Variants in RFX4 observed in about 807,000 individuals in gnomAD.
The protein encoded by RFX4 is transcription factor RFX4.
A neutral mutation model predicts 95.0 loss-of-function variants in RFX4; 10 were observed. The observed-to-expected ratio is 0.11, with a 90% CI of 0.06 to 0.18. The LOEUF (loss-of-function observed/expected upper bound fraction) is 0.18, where lower values mean the gene tolerates loss of function less well. Among genes scored for constraint, RFX4 ranks in the 10% least tolerant of loss-of-function variants. The pLI, the probability that RFX4 is intolerant of heterozygous loss-of-function variation, is 1.00. For synonymous variants in RFX4, 321 were observed against 340.7 expected (o/e 0.94, Z 0.64); for missense variants, 640 against 922.0 (o/e 0.69, Z 3.96).
Position 106,749,242 on chromosome 12 carries a change from C to T in RFX4, c.1797-1413C>T, listed in dbSNP as rs371549243. ...CTGCATTCCAGCCTGGAGAATAGAGCGATATACTCCAACTCAAAAAAAAAA... is the reference window on the plus strand; with the variant it reads ...CTGCATTCCAGCCTGGAGAATAGAGTGATATACTCCAACTCAAAAAAAAAA... On this transcript the variant is annotated intron_variant, in intron 16 of 17. Transcript: ENST00000392842. Among the ~76,000 whole-genome samples the T allele has an allele frequency of 3.6e-4, 50 of 139,510 alleles. No individual in the cohort carries two copies. In the South Asian group the frequency reaches 8.5e-3, roughly 24 times the overall value. The allele number at this position is 139,510 out of a possible 152,430, so 91.5% of individuals were successfully genotyped here. A position where few individuals can be genotyped will look rare whatever the true frequency, so the allele number is the denominator to read the frequency against.
At chr12:106,639,636 A>G (rs1468958488) in intron 3 of RFX4, among the ~76,000 whole-genome samples, 1 of 152,230 alleles carries the variant, frequency 6.6e-6, no homozygotes, top group Non-Finnish European at 1.5e-5. Flanking sequence ...ACTGGCAAGG[A>G]CTGGATTCCC....
Position 106,720,205 on chromosome 12 carries a change from T to A in RFX4, c.1233+151T>A, listed in dbSNP as rs375217574. On this transcript the variant is annotated intron_variant, in intron 12 of 17. Transcript: ENST00000392842. The surrounding 1 kb of genome is among the most constrained non-coding windows in gnomAD (Gnocchi z 4.2). ...AGGTGGAGGGGTCAGGAGGCAGGAC[T>A]CTTGAGTCTTCCATCCCTGATTCAA... The A allele has an allele frequency of 6.2e-6, 4 of 644,420 alleles. No homozygotes were observed. Among genetic ancestry groups the A allele is most frequent in the East Asian group, 5.4e-5 (2 of 37,274 alleles). 39.9% of individuals were successfully genotyped at this position (644,420 alleles called of 1,614,324 possible). A position where few individuals can be genotyped will look rare whatever the true frequency, so the allele number is the denominator to read the frequency against.
chr12:106,624,160 C>G (rs548364277), intron 2 of RFX4, among the ~76,000 whole-genome samples: 2 of 152,200 alleles, frequency 1.3e-5, no homozygotes, highest in African/African-American at 4.8e-5. Context: ...ACTTATTTTA[C>G]GTTGGTTTTG....
chr12:106,681,971 T>A, intron 4 of RFX4, 22 bp from the exon 5 acceptor site: 1 of 1,614,022 alleles, frequency 6.2e-7, no homozygotes, highest in Non-Finnish European at 8.5e-7. Context: ...AATGGGTAAC[T>A]GATTCTTGTG....
Position 106,719,991 on chromosome 12 carries a change from G to C in RFX4, c.1170G>C (p.Glu390Asp), listed in dbSNP as rs17038732. ...LYQEFDHLLE[E>D]QSPIESYIEW... ...AGGAGTTTGACCATCTCTTGGAGGA[G>C]CAGTCTCCCATCGAGTCCTACATTG... is the stretch of plus-strand genomic sequence containing the variant. Residue 390 changes from glutamate (E) to aspartate (D), a missense_variant, in exon 12 of 18, where the codon GAG becomes GAC. Glu to Asp is a conservative substitution (Grantham distance 45, BLOSUM62 2). This residue lies in a region of RFX4 where 72 missense variants were observed against 80.5 expected (regional missense o/e 0.89). Transcript: ENST00000392842. 1 of 1,613,840 alleles carries C rather than the reference G, an allele frequency of 6.2e-7. No homozygotes were observed. Among genetic ancestry groups the C allele is most frequent in the Non-Finnish European group, 8.5e-7 (1 of 1,179,884 alleles).
chr12:106,642,184 A>G (rs1355963756), intron 3 of RFX4, among the ~76,000 whole-genome samples: 1 of 151,680 alleles, frequency 6.6e-6, no homozygotes, highest in Non-Finnish European at 1.5e-5. Context: ...CTAATATTTT[A>G]TTTTTAGTAG....
chr12:106,709,239 A>T (rs996681833), intron 8 of RFX4, 91 bp from the exon 9 acceptor site: 1 of 1,006,320 alleles, frequency 9.9e-7, no homozygotes, highest in Non-Finnish European at 1.5e-6. Flanking sequence ...AGCAGCCAAA[A>T]CATGATTAGG....
At chr12:106,594,719 G>A (rs2039592708) in intron 1 of RFX4, among the ~76,000 whole-genome samples, 1 of 151,426 alleles carries the variant, frequency 6.6e-6, no homozygotes, top group African/African-American at 2.4e-5. Flanking sequence ...AGTGCACAGG[G>A]ATCCAAGCCA....
chr12:106,717,879 C>T (rs1458381449), intron 11 of RFX4, among the ~76,000 whole-genome samples: 1 of 152,164 alleles, frequency 6.6e-6, no homozygotes, highest in Non-Finnish European at 1.5e-5. Context: ...GGGAGTTGGA[C>T]CAAAGGTCAG....
At chr12:106,653,742 T>C (rs1335957729) in intron 3 of RFX4, among the ~76,000 whole-genome samples, 4 of 152,212 alleles carry the variant, frequency 2.6e-5, no homozygotes, top group Non-Finnish European at 5.9e-5. Context: ...AGGCCTCTCC[T>C]GGGGCATTGG....
chr12:106,601,262 A>T (rs1565945418), intron 1 of RFX4: 11 of 1,581,998 alleles, frequency 7.0e-6, no homozygotes, highest in Non-Finnish European at 8.6e-6. Flanking sequence ...AGAGACAGAA[A>T]GGGGCTGAGA....
At position 106,624,022 on chromosome 12, in the gene RFX4, C is replaced by T. The variant is rs967109373; in HGVS notation, c.130+15139C>T. ...CCTCATAATCACAAGGCAGCTGCTG[C>T]AGGTCCAGGCATCAGGTCCACATTT... On this transcript the variant is annotated intron_variant, in intron 2 of 17. Coordinates refer to ENST00000392842, the MANE Select transcript of RFX4 (RefSeq NM_213594.3). Among the ~76,000 whole-genome samples, 26 of 152,324 alleles carry T rather than the reference C, an allele frequency of 1.7e-4. 1 individual carries two copies. Among genetic ancestry groups the T allele is most frequent in the African/African-American group, 5.8e-4 (24 of 41,568 alleles).
Position 106,756,373 on chromosome 12 carries a change from G to A in RFX4, c.1936-4824G>A, listed in dbSNP as rs17038764. Among the ~76,000 whole-genome samples the A allele has an allele frequency of 7.3e-3, 1,108 of 152,272 alleles. 14 individuals carry two copies. The highest frequency in any genetic ancestry group is 0.026 in the African/African-American group (1,068 of 41,550). ...GGAACTGGGGACCTTGAGCTCAAAA[G>A]CCATTTGATCACACTTAGACTGGAA... On this transcript the variant is annotated intron_variant, in intron 17 of 17. Transcript: ENST00000392842.
intron 15 of RFX4, among the ~76,000 whole-genome samples, chr12:106,746,044 T>C (rs1031574071): frequency 2.6e-5 from 4 of 151,848 alleles, no homozygotes; most frequent in African/African-American, 7.3e-5. Flanking sequence ...CTGGGGAACA[T>C]AGTGAGACCC....
At chr12:106,639,474 T>A in intron 3 of RFX4, 82 bp downstream of exon 3, 2 of 1,267,148 alleles carry the variant, frequency 1.6e-6, no homozygotes, top group Non-Finnish European at 2.3e-6. Context: ...CACTTGGATA[T>A]TTTAACATTG....
intron 2 of RFX4, among the ~76,000 whole-genome samples, chr12:106,614,477 C>CTGTG (rs34226201): frequency 0.18 from 23,171 of 127,568 alleles, 2,190 homozygotes; most frequent in East Asian, 0.31. Flanking sequence ...CGTCTTTTGC[C>CTGTG]TGTGTGTGTG....
intron 8 of RFX4, among the ~76,000 whole-genome samples, chr12:106,704,065 CAAAAAAAAAAA>C (rs34213070): frequency 4.2e-4 from 17 of 40,940 alleles, no homozygotes; most frequent in Non-Finnish European, 8.7e-4. Flanking sequence ...GACACTGTCT[CAAAAAAAAAAA>C]AAAAAAAAAA....
intron 1 of RFX4, among the ~76,000 whole-genome samples, chr12:106,596,069 C>T (rs1391417555): frequency 6.6e-6 from 1 of 152,188 alleles, no homozygotes; most frequent in African/African-American, 2.4e-5. Flanking sequence ...ACTTCCAAGA[C>T]CTTTTCCCCC....
intron 9 of RFX4, among the ~76,000 whole-genome samples, chr12:106,710,587 C>A (rs972757242): frequency 1.3e-5 from 2 of 152,114 alleles, no homozygotes; most frequent in Non-Finnish European, 2.9e-5. Flanking sequence ...TCAGAAATTA[C>A]CAAGAAGAAT....
Sources: allele counts gnomAD v4.1 joint callset (sites outside exome capture counted in the v4.1 genomes callset), GRCh38; gene constraint gnomAD v4.1.1; regional missense constraint gnomAD v4.1.1; non-coding constraint Gnocchi (gnomAD v3.1); transcripts MANE v1.5; gene names NCBI Gene and HGNC (gene_info 2026-07-23, HGNC 2026-07-21).